Variants in DPP6 observed in about 807,000 individuals in gnomAD.
The protein encoded by DPP6 is A-type potassium channel modulatory protein DPP6.
DPP6 carries 69 observed loss-of-function variants against 122.6 expected under a neutral mutation model. The ratio of observed to expected loss-of-function variants is 0.56; its 90% CI spans 0.46 to 0.69. The LOEUF (loss-of-function observed/expected upper bound fraction) is 0.69. Among genes scored for constraint, DPP6 ranks in the 30% least tolerant of loss-of-function variants. The pLI is 0.00. For missense variants in DPP6, 928 were observed against 1,116.9 expected (o/e 0.83, Z 2.41); for synonymous variants, 418 against 433.1 (o/e 0.97, Z 0.43).
rs954995416 is a variant in DPP6 at position 154,052,468 on chromosome 7, G to C, written c.-353G>C. ...GCATTTCCCTCGCTTTATGTTTTTG[G>C]TTTTTTTTCTTCCTTCAATCTCTTT... On this transcript the variant is annotated 5_prime_UTR_variant, in exon 1 of 26. Coordinates refer to ENST00000377770, the MANE Select transcript of DPP6 (RefSeq NM_130797.4). This position sits in a 1 kb window ranked among gnomAD's most constrained non-coding sequence, Gnocchi z 4.8. 8 of 318,102 alleles carry C rather than the reference G, an allele frequency of 2.5e-5. No individual in the cohort carries two copies. The highest frequency in any genetic ancestry group is 3.7e-5 in the Non-Finnish European group (8 of 215,188). 19.7% of individuals were successfully genotyped at this position (318,102 alleles called of 1,614,324 possible). A position where few individuals can be genotyped will look rare whatever the true frequency, so the allele number is the denominator to read the frequency against.
At chr7:153,837,566 C>T in the DPP6 span, among the ~76,000 whole-genome samples, 4 of 152,198 alleles carry the variant, frequency 2.6e-5, no homozygotes, top group African/African-American at 9.7e-5. Flanking sequence ...CCCTTTTCTA[C>T]TCAGAATATA....
At chr7:154,438,487 AAAAAAAAAAAG>A (rs1819084847) in intron 1 of DPP6, among the ~76,000 whole-genome samples, 1 of 148,102 alleles carries the variant, frequency 6.8e-6, no homozygotes, top group African/African-American at 2.6e-5. Context: ...AAAAAAAAAA[AAAAAAAAAAAG>A]AAAAGAAAAA....
At chr7:154,828,769 A>G (rs1300978492) in intron 16 of DPP6, among the ~76,000 whole-genome samples, 2 of 152,222 alleles carry the variant, frequency 1.3e-5, no homozygotes, top group Non-Finnish European at 1.5e-5. Context: ...CACAAGGACC[A>G]TCTTCCAGGT....
intron 1 of DPP6, chr7:154,058,885 G>A (rs1489384085): frequency 1.4e-5 from 2 of 144,830 alleles, no homozygotes; most frequent in Admixed American, 7.2e-5. Flanking sequence ...CACCCCCTAC[G>A]AGAGTGGGGA....
intron 1 of DPP6, among the ~76,000 whole-genome samples, chr7:154,041,050 C>T (rs535292813): frequency 1.3e-5 from 2 of 152,224 alleles, no homozygotes; most frequent in African/African-American, 2.4e-5. Context: ...AATAAATTTG[C>T]TAAAGCATTA....
intron 5 of DPP6, among the ~76,000 whole-genome samples, chr7:154,628,578 A>T (rs919778239): frequency 6.6e-6 from 1 of 152,170 alleles, no homozygotes; most frequent in Non-Finnish European, 1.5e-5. Flanking sequence ...ATAGGACAAC[A>T]TGTCTTCCCA....
chr7:153,918,237 G>T (rs1800412802), intron 1 of DPP6, among the ~76,000 whole-genome samples: 1 of 152,104 alleles, frequency 6.6e-6, no homozygotes, highest in Non-Finnish European at 1.5e-5. Flanking sequence ...TGTGAAACTG[G>T]CACTTAAAAT....
intron 16 of DPP6, among the ~76,000 whole-genome samples, chr7:154,813,498 A>G (rs948899996): frequency 2.0e-5 from 3 of 152,182 alleles, no homozygotes; most frequent in Non-Finnish European, 4.4e-5. Flanking sequence ...AAATGCTTAT[A>G]GCCACTATAT....
At chr7:154,573,011 G>C (rs1392553548) in intron 5 of DPP6, among the ~76,000 whole-genome samples, 3 of 152,074 alleles carry the variant, frequency 2.0e-5, no homozygotes, top group Non-Finnish European at 4.4e-5. Context: ...TTTGTTGCAA[G>C]AAATATAGCT....
chr7:154,299,968 G>C (rs2150978160), intron 1 of DPP6, among the ~76,000 whole-genome samples: 1 of 152,336 alleles, frequency 6.6e-6, no homozygotes, highest in Non-Finnish European at 1.5e-5. Flanking sequence ...AGACACATCT[G>C]GAGGGGGGAG....
chr7:154,117,374 G>A (rs966654895), intron 1 of DPP6, among the ~76,000 whole-genome samples: 1 of 152,096 alleles, frequency 6.6e-6, no homozygotes, highest in Non-Finnish European at 1.5e-5. Context: ...GTCCTGTCTT[G>A]TTCTTCTCCT....
At chr7:153,928,916 G>A (rs775810997) in intron 1 of DPP6, among the ~76,000 whole-genome samples, 2 of 152,110 alleles carry the variant, frequency 1.3e-5, no homozygotes. Flanking sequence ...GACCCTGGAC[G>A]GGAAGTCTCC....
chr7:153,961,525 C>T (rs968452630), intron 1 of DPP6, among the ~76,000 whole-genome samples: 1 of 149,518 alleles, frequency 6.7e-6, no homozygotes, highest in African/African-American at 2.5e-5. Context: ...GCACCAGGGA[C>T]TGGTTTCATG....
rs1168369846 is a variant in DPP6, at chr7:154,282,134, C to T, written c.244-164080C>T. On this transcript the variant is annotated intron_variant, in intron 1 of 25. Transcript: ENST00000377770. This position sits in a 1 kb window ranked among gnomAD's most constrained non-coding sequence, Gnocchi z 4.8. The stretch of plus-strand genomic sequence containing the variant: ...TTGAGGGGTGGGGACAGGGCTGGCA[C>T]AGTGCCTGGCATGTTCTAACCATCT... 6.6e-6 allele frequency among the ~76,000 whole-genome samples: 1 copy of T among 152,134 alleles called. No individual in the cohort carries two copies. Among genetic ancestry groups the T allele is most frequent in the African/African-American group, 2.4e-5 (1 of 41,440 alleles).
chr7:154,636,342 A>T (rs1835724046), intron 5 of DPP6, among the ~76,000 whole-genome samples: 1 of 152,154 alleles, frequency 6.6e-6, no homozygotes, highest in African/African-American at 2.4e-5. Context: ...GTCCTCTCTG[A>T]GCGGTGACCT....
intron 2 of DPP6, among the ~76,000 whole-genome samples, chr7:154,460,720 G>A (rs1481851433): frequency 6.6e-6 from 1 of 151,936 alleles, no homozygotes; most frequent in Non-Finnish European, 1.5e-5. Context: ...ATTTCTGTGG[G>A]TACATAGTAG....
rs149054359 is a variant in DPP6 at position 154,040,392 on chromosome 7, T to G, written c.51+152658T>G. 4.0e-5 allele frequency among the ~76,000 whole-genome samples: 6 copies of G among 150,830 alleles called. No individual in the cohort carries two copies. The East Asian group carries it at 1.2e-3, about 29-fold the overall frequency. ...ACGAGGTCTAAATCATCAAAATAAG[T>G]TGCAAGATAAGGCAGCACGCTTCAT... On this transcript the variant is annotated intron_variant, in intron 1 of 25. Transcript: ENST00000404039.
At chr7:154,170,543 T>C (rs1386695302) in intron 1 of DPP6, among the ~76,000 whole-genome samples, 3 of 152,176 alleles carry the variant, frequency 2.0e-5, no homozygotes, top group African/African-American at 7.2e-5. Context: ...ACGTGCCCTT[T>C]GATGTCAGGC....
the DPP6 span, among the ~76,000 whole-genome samples, chr7:153,868,047 G>T: frequency 6.6e-6 from 1 of 152,132 alleles, no homozygotes; most frequent in Non-Finnish European, 1.5e-5. Context: ...GCTGGATTCA[G>T]TTTGCCAGTA....
Sources: gnomAD v4.1 joint callset for allele counts (sites outside exome capture counted in the v4.1 genomes callset) on GRCh38, gnomAD v4.1.1 for gene constraint, Gnocchi (gnomAD v3.1) non-coding constraint, MANE v1.5 for transcripts, NCBI Gene and HGNC (gene_info 2026-07-23, HGNC 2026-07-21) for gene names.